THOC1: variants seen among roughly 807,000 people sequenced by gnomAD.
THOC1 encodes the protein THO complex 1.
In THOC1, 29 loss-of-function variants were observed where a neutral mutation model predicts 97.3. The observed-to-expected ratio is 0.30, with a 90% CI of 0.22 to 0.41. The LOEUF is 0.41. Among genes scored for constraint, THOC1 ranks in the 10% least tolerant of loss-of-function variants. THOC1 has a pLI of 1.00. For synonymous variants in THOC1, 255 were observed against 257.0 expected (o/e 0.99, Z 0.07); for missense variants, 529 against 761.9 (o/e 0.69, Z 3.60).
chr18:215,340 A>G lies in THOC1; in HGVS notation c.1678+89T>C, dbSNP rs560244805. The G allele has an allele frequency of 2.9e-5, 28 of 949,708 alleles. No individual in the cohort carries two copies. The African/African-American group carries it at 4.4e-4, about 15-fold the overall frequency. The allele number at this position is 949,708 out of a possible 1,614,324, so 58.8% of individuals were successfully genotyped here. On this transcript the variant is annotated intron_variant, in intron 20 of 20. Transcript: ENST00000261600. ...TTGAGATAAAATGGGAGAAGTTGAG[A>G]AGTCGATCAAATTAAATAATGTACC...
At chr18:220,735 A>T (rs573171745) in intron 17 of THOC1, among the ~76,000 whole-genome samples, 1 of 151,386 alleles carries the variant, frequency 6.6e-6, no homozygotes, top group Admixed American at 6.6e-5. Flanking sequence ...GGGTTGATTC[A>T]CTCTCACAGA....
intron 11 of THOC1, among the ~76,000 whole-genome samples, chr18:231,508 C>A (rs992926235): frequency 2.6e-4 from 40 of 152,234 alleles, no homozygotes; most frequent in Admixed American, 2.2e-3. Flanking sequence ...ACTGTCATAA[C>A]ACATCAGCTG....
chr18:237,801 G>A (rs1396808564), intron 11 of THOC1, among the ~76,000 whole-genome samples: 1 of 152,006 alleles, frequency 6.6e-6, no homozygotes, highest in Non-Finnish European at 1.5e-5. Flanking sequence ...AAAACATTTG[G>A]TTTCTGAGAA....
intron 4 of THOC1, among the ~76,000 whole-genome samples, chr18:261,903 T>C (rs7244818): frequency 2.0e-5 from 3 of 152,022 alleles, no homozygotes; most frequent in South Asian, 2.1e-4. Context: ...CTGGGAACCA[T>C]TGGGTTATAG....
At chr18:220,500 G>A (rs1435495152) in intron 17 of THOC1, among the ~76,000 whole-genome samples, 2 of 152,156 alleles carry the variant, frequency 1.3e-5, no homozygotes, top group African/African-American at 4.8e-5. Context: ...CATTCAGATA[G>A]AGTGACTGTG....
rs1320998401 is a variant in THOC1 at position 215,167 on chromosome 18, C to A, written c.1679-246G>T. On this transcript the variant is annotated intron_variant, in intron 20 of 20. Coordinates refer to ENST00000261600, the MANE Select transcript of THOC1 (RefSeq NM_005131.3). ...AATGAGGTGCTCCCCCTCCAATAAC[C>A]AATAATTAACAGAGGTATGGGTCGC... 2.6e-5 allele frequency among the ~76,000 whole-genome samples: 4 copies of A among 152,114 alleles called. No individual in the cohort carries two copies. The East Asian group carries it at 7.7e-4, about 29-fold the overall frequency.
Position 252,500 on chromosome 18 carries a change from A to T in THOC1, c.677+39T>A, listed in dbSNP as rs756665848. 24 of 1,454,360 alleles carry T rather than the reference A, an allele frequency of 1.7e-5. No homozygotes were observed. In the South Asian group the frequency reaches 2.5e-4, roughly 15 times the overall value. 90.1% of individuals were successfully genotyped at this position (1,454,360 alleles called of 1,614,324 possible). A position where few individuals can be genotyped will look rare whatever the true frequency, so the allele number is the denominator to read the frequency against. On this transcript the variant is annotated intron_variant, in intron 9 of 20. Transcript: ENST00000261600. ...AGGATACTCAATAAATTAGGAGATT[A>T]TCTCTGTAAATCAAAAAGCTTAGGC...
rs1911522511 is a variant in THOC1 at position 232,553 on chromosome 18, T to C, written c.919-5652A>G. Among the ~76,000 whole-genome samples the C allele has an allele frequency of 2.0e-5, 3 of 151,830 alleles. No homozygotes were observed. In the South Asian group the frequency reaches 6.2e-4, roughly 31 times the overall value. Reference sequence around the variant, plus strand: ...CTGTTTCTAAACTTTCATTTACAAATACATCATTTACAAACAATGGTACAG... The same window carrying C: ...CTGTTTCTAAACTTTCATTTACAAACACATCATTTACAAACAATGGTACAG... On this transcript the variant is annotated intron_variant, in intron 11 of 20. Transcript: ENST00000261600.
At chr18:227,946 TAAAAA>T (rs199524212) in intron 11 of THOC1, among the ~76,000 whole-genome samples, 1 of 149,746 alleles carries the variant, frequency 6.7e-6, no homozygotes, top group African/African-American at 2.5e-5. Flanking sequence ...CTCCAGGTCT[TAAAAA>T]AAAAAATTAA....
intron 12 of THOC1, 96 bp from the exon 13 acceptor site, chr18:225,499 C>T (rs1911249319): frequency 2.1e-6 from 2 of 958,990 alleles, no homozygotes; most frequent in Non-Finnish European, 3.2e-6. Flanking sequence ...TGTAACTATA[C>T]TGTGGATAGT....
intron 7 of THOC1, among the ~76,000 whole-genome samples, chr18:255,360 A>G (rs936977708): frequency 6.6e-6 from 1 of 152,242 alleles, no homozygotes; most frequent in Non-Finnish European, 1.5e-5. Flanking sequence ...AGGGAAGTTA[A>G]AAGTGCCACT....
At chr18:241,754 G>A (rs959228819) in intron 11 of THOC1, among the ~76,000 whole-genome samples, 11 of 152,168 alleles carry the variant, frequency 7.2e-5, no homozygotes, top group African/African-American at 2.7e-4. Flanking sequence ...TTGAAATGTT[G>A]TTCTGCTTTT....
chr18:225,324 G>T lies in THOC1; in HGVS notation c.1086+13C>A. The T allele has an allele frequency of 6.2e-7, 1 of 1,612,250 alleles. No individual in the cohort carries two copies. Among genetic ancestry groups the T allele is most frequent in the Non-Finnish European group, 8.5e-7 (1 of 1,178,828 alleles). ...ATTTTTTCAATCATGGGTTTGTTGC[G>T]TGTTGAACTTACTTGATAAACTGAT... On this transcript the variant is annotated intron_variant, in intron 13 of 20. Transcript: ENST00000261600.
At position 231,103 on chromosome 18, in the gene THOC1, TC is replaced by T. The variant is rs1471950216; in HGVS notation, c.919-4203del. 4.6e-5 allele frequency among the ~76,000 whole-genome samples: 7 copies of T among 152,280 alleles called. No individual in the cohort carries two copies. The South Asian group carries it at 1.2e-3, about 27-fold the overall frequency. The stretch of plus-strand genomic sequence containing the variant: ...TATCTTGAGCAAAGGGCTTTTATTA[TC>T]CTTAGCTGTATGTATGTATGTATTT... On this transcript the variant is annotated intron_variant, in intron 11 of 20. Coordinates refer to ENST00000261600, the MANE Select transcript of THOC1 (RefSeq NM_005131.3).
chr18:245,245 A>T (rs543524425), intron 11 of THOC1: 3 of 152,178 alleles, frequency 2.0e-5, no homozygotes, highest in Non-Finnish European at 2.9e-5. Context: ...TGGAATTTTA[A>T]TTTATCAGAG....
Position 225,008 on chromosome 18 carries a change from A to G in THOC1, c.1138-14T>C, listed in dbSNP as rs1350286026. The G allele has an allele frequency of 2.6e-6, 4 of 1,567,580 alleles. No individual in the cohort carries two copies. In the Admixed American group the frequency reaches 5.7e-5, roughly 22 times the overall value. Reference sequence around the variant, plus strand: ...GTTTAATATATGCTGGGAAAAACAAAGCGATTACATTTTGGTTAGTGGAAT... The same window carrying G: ...GTTTAATATATGCTGGGAAAAACAAGGCGATTACATTTTGGTTAGTGGAAT... On this transcript the variant is annotated splice_polypyrimidine_tract_variant and intron_variant, in intron 14 of 20. Coordinates refer to ENST00000261600, the MANE Select transcript of THOC1 (RefSeq NM_005131.3).
rs1474287991 is a variant in THOC1 at position 265,378 on chromosome 18, A to C, written c.129-15T>G. On this transcript the variant is annotated splice_polypyrimidine_tract_variant and intron_variant, in intron 2 of 20. Transcript: ENST00000261600. ...TTTCATTTTCACTATTAAAAACAAA[A>C]GACATCCTCATTTTTCAAACAGCTC... 1.2e-6 allele frequency: 2 copies of C among 1,602,072 alleles called. No individual in the cohort carries two copies. The highest frequency in any genetic ancestry group is 1.1e-5 in the South Asian group (1 of 87,836).
Position 224,151 on chromosome 18 carries a change from T to C in THOC1, c.1237A>G (p.Ile413Val). The change falls in exon 16 of 21, where the codon ATT becomes GTT. Residue 413 changes from isoleucine (I) to valine (V), a missense_variant. By Grantham distance (29) the Ile-to-Val change is conservative. This residue lies in a region of THOC1 where 123 missense variants were observed against 159.0 expected (regional missense o/e 0.77). Coordinates refer to ENST00000261600, the MANE Select transcript of THOC1 (RefSeq NM_005131.3). ...RTSDTKPTRI[I>V]RKRTAPEDFL... Reference sequence around the variant, plus strand: ...TCCTCGGGTGCTGTTCTCTTCCGAATTATTCTCGTAGGTTTGGTATCTGAT... The same window carrying C: ...TCCTCGGGTGCTGTTCTCTTCCGAACTATTCTCGTAGGTTTGGTATCTGAT... 6.2e-7 allele frequency: 1 copy of C among 1,610,816 alleles called. No homozygotes were observed. The highest frequency in any genetic ancestry group is 8.5e-7 in the Non-Finnish European group (1 of 1,178,368).
At chr18:237,917 A>G (rs1182597449) in intron 11 of THOC1, among the ~76,000 whole-genome samples, 2 of 152,026 alleles carry the variant, frequency 1.3e-5, no homozygotes, top group African/African-American at 4.8e-5. Context: ...CCCAGGCTAG[A>G]GTGCAGCGGT....
Sources: allele counts gnomAD v4.1 joint callset (sites outside exome capture counted in the v4.1 genomes callset), GRCh38; gene constraint gnomAD v4.1.1; regional missense constraint gnomAD v4.1.1; transcripts MANE v1.5; gene names NCBI Gene and HGNC (gene_info 2026-07-23, HGNC 2026-07-21).